Variants in QTRT1 observed in about 807,000 individuals in gnomAD.
QTRT1 encodes the protein queuine tRNA-ribosyltransferase catalytic subunit 1.
QTRT1 carries 41 observed loss-of-function variants against 44.0 expected under a neutral mutation model. That is an observed-to-expected ratio of 0.93 (90% CI 0.73 to 1.21). The LOEUF is 1.21. QTRT1 is among the 50% of genes most tolerant of loss of function. The pLI, the probability that QTRT1 is intolerant of heterozygous loss-of-function variation, is 0.00. For missense variants in QTRT1, 542 were observed against 575.8 expected, an observed-to-expected ratio of 0.94 and a Z score of 0.60; for synonymous variants, 226 against 237.1, an observed-to-expected ratio of 0.95 and a Z score of 0.43.
Position 10,701,636 on chromosome 19 carries a change from C to A in QTRT1, c.176C>A (p.Thr59Asn). ...CAGGCCACCATGAAGGGCATCACGA[C>A]CGAACAGCTGGACGCTCTGGGTTGC... is the stretch of plus-strand genomic sequence containing the variant. ...GTQATMKGIT[T>N]EQLDALGCRI... Residue 59 changes from threonine (T) to asparagine (N), a missense_variant, in exon 1 of 10, where the codon ACC becomes AAC. Physicochemically the swap from Thr to Asn is moderately conservative, Grantham distance 65 (BLOSUM62 0). Transcript: ENST00000250237. 2 of 1,602,206 alleles carry A rather than the reference C, an allele frequency of 1.2e-6. No individual in the cohort carries two copies. The highest frequency in any genetic ancestry group is 8.5e-7 in the Non-Finnish European group (1 of 1,175,620).
chr19:10,702,154 G>C lies in QTRT1; in HGVS notation c.351G>C (p.Leu117=). 6.2e-7 allele frequency: 1 copy of C among 1,614,114 alleles called. No homozygotes were observed. The highest frequency in any genetic ancestry group is 1.1e-5 in the South Asian group (1 of 91,082). The stretch of plus-strand genomic sequence containing the variant: ...TCCAGATGGTGTCGCTGGTGTCTCT[G>C]TCCGAGGTGACGGAGGAGGGCGTCC... The part of the protein sequence containing the change: ...GGFQMVSLVS[L]SEVTEEGVRF... Residue 117 remains leucine, a synonymous_variant, in exon 3 of 10, where the codon CTG becomes CTC. Coordinates refer to ENST00000250237, the MANE Select transcript of QTRT1 (RefSeq NM_031209.3).
Position 10,707,396 on chromosome 19 carries a change from G to A in QTRT1, c.530+16G>A. Reference sequence around the variant, plus strand: ...CCATGTACAGGTGTGTATATGCTGTGTGCATGTGTGGGATATGTGGTGGGA... The same window carrying A: ...CCATGTACAGGTGTGTATATGCTGTATGCATGTGTGGGATATGTGGTGGGA... On this transcript the variant is annotated intron_variant, in intron 4 of 9. Coordinates refer to ENST00000250237, the MANE Select transcript of QTRT1 (RefSeq NM_031209.3). 6.2e-7 allele frequency: 1 copy of A among 1,612,906 alleles called. No homozygotes were observed. Among genetic ancestry groups the A allele is most frequent in the Non-Finnish European group, 8.5e-7 (1 of 1,178,958 alleles).
At chr19:10,707,680 T>A in intron 5 of QTRT1, 65 bp downstream of exon 5, 1 of 1,226,690 alleles carries the variant, frequency 8.2e-7, no homozygotes, top group South Asian at 1.4e-5. Context: ...GGGCCTGGCG[T>A]ATGGCGGGAC....
rs2068720320 is a variant in QTRT1 at position 10,707,611 on chromosome 19, TGAA to T, written c.644_646del (p.Glu216del). The T allele has an allele frequency of 6.2e-7, 1 of 1,600,946 alleles. No individual in the cohort carries two copies. The highest frequency in any genetic ancestry group is 1.1e-5 in the South Asian group (1 of 89,988). ...ACGCAGATCTCCGGGCCACCTGCCT[TGAA>T]GGTAGAGCCATGCGCTGGCAGGCCC... is the stretch of plus-strand genomic sequence containing the variant. On this transcript the variant is annotated inframe_deletion and splice_region_variant, in exon 5 of 10. Coordinates refer to ENST00000250237, the MANE Select transcript of QTRT1 (RefSeq NM_031209.3).
In QTRT1 at chr19:10,713,036, AC is replaced by A. The variant is rs1292263908; in HGVS notation, c.1057del (p.Gln353SerfsTer5). 3.7e-6 allele frequency: 6 copies of A among 1,610,796 alleles called. No homozygotes were observed. Among genetic ancestry groups the A allele is most frequent in the Non-Finnish European group, 5.1e-6 (6 of 1,179,886 alleles). ...CACCTCACGGTCCACAACATCGCCT[AC>A]CAGGTGAGCCAGTGCCCGGGGCAAG... Reference protein sequence around the residue: ...LHHLTVHNIAYQLQLMSAVRT... With the variant: ...LHHLTVHNIAXQLQLMSAVRT... On this transcript the variant is annotated frameshift_variant, in exon 9 of 10. Coordinates refer to ENST00000250237, the MANE Select transcript of QTRT1 (RefSeq NM_031209.3). LOFTEE classifies it high-confidence loss of function. The surrounding 1 kb of genome is among the most constrained non-coding windows in gnomAD (Gnocchi z 4.3).
rs751068312 is a variant in QTRT1, at chr19:10,701,530, A to G, written c.70A>G (p.Ser24Gly). 5 of 1,596,378 alleles carry G rather than the reference A, an allele frequency of 3.1e-6. No individual in the cohort carries two copies. The highest frequency in any genetic ancestry group is 4.3e-6 in the Non-Finnish European group (5 of 1,169,738). The change falls in exon 1 of 10, where the codon AGC (serine) becomes GGC (glycine). Residue 24 changes from serine (S) to glycine (G), a missense_variant. Transcript: ENST00000250237. ...PRIMRLVAEC[S>G]RSRARAGELW... ...GATCATGCGGCTGGTGGCCGAATGCAGCCGCTCCAGGGCCCGGGCAGGCGA... is the reference window on the plus strand; with the variant it reads ...GATCATGCGGCTGGTGGCCGAATGCGGCCGCTCCAGGGCCCGGGCAGGCGA...
At chr19:10,702,430 A>G (rs1047923818) in intron 3 of QTRT1, among the ~76,000 whole-genome samples, 176 bp downstream of exon 3, 2 of 152,208 alleles carry the variant, frequency 1.3e-5, no homozygotes, top group African/African-American at 2.4e-5. Context: ...ATTGTTGACA[A>G]GTACATATGA....
In QTRT1 at chr19:10,701,460, G is replaced by A. The variant is rs2068687977; in HGVS notation, c.-1G>A. On this transcript the variant is annotated 5_prime_UTR_variant, in exon 1 of 10. Transcript: ENST00000250237. ...CGGCCCACGTGGTTCCGACAGTCAAGATGGCGGGAGCAGCTACCCAGGCTT... is the reference window on the plus strand; with the variant it reads ...CGGCCCACGTGGTTCCGACAGTCAAAATGGCGGGAGCAGCTACCCAGGCTT... 1.3e-6 allele frequency: 2 copies of A among 1,543,654 alleles called. No individual in the cohort carries two copies. The highest frequency in any genetic ancestry group is 2.3e-5 in the East Asian group (1 of 44,134).
rs2068740888 is a variant in QTRT1 at position 10,712,063 on chromosome 19, C to T, written c.647-98C>T. The T allele has an allele frequency of 2.7e-6, 4 of 1,489,082 alleles. No homozygotes were observed. Among genetic ancestry groups the T allele is most frequent in the Admixed American group, 1.7e-5 (1 of 59,508 alleles). 92.2% of individuals were successfully genotyped at this position (1,489,082 alleles called of 1,614,324 possible). A position where few individuals can be genotyped will look rare whatever the true frequency, so the allele number is the denominator to read the frequency against. ...TCTCTGTCTGTTTCTCTGACTCTCTCCCTGAGCGACTCTGGAAGTCTGGGC... is the reference window on the plus strand; with the variant it reads ...TCTCTGTCTGTTTCTCTGACTCTCTTCCTGAGCGACTCTGGAAGTCTGGGC... On this transcript the variant is annotated intron_variant, in intron 5 of 9. Coordinates refer to ENST00000250237, the MANE Select transcript of QTRT1 (RefSeq NM_031209.3). This position sits in a 1 kb window ranked among gnomAD's most constrained non-coding sequence, Gnocchi z 5.6.
In QTRT1 at chr19:10,712,464, G is replaced by A; in HGVS notation, c.786-89G>A. On this transcript the variant is annotated intron_variant, in intron 6 of 9. Transcript: ENST00000250237. The surrounding 1 kb of genome is among the most constrained non-coding windows in gnomAD (Gnocchi z 5.6). ...CTTGGGGGCCATTCTGAGGGAATAT[G>A]GCCCAGTCTGGGGCAGTGTGAGGGT... 4 of 1,455,448 alleles carry A rather than the reference G, an allele frequency of 2.7e-6. No individual in the cohort carries two copies. The highest frequency in any genetic ancestry group is 3.8e-6 in the Non-Finnish European group (4 of 1,039,650). The allele number at this position is 1,455,448 out of a possible 1,614,324, so 90.2% of individuals were successfully genotyped here. A position where few individuals can be genotyped will look rare whatever the true frequency, so the allele number is the denominator to read the frequency against.
At chr19:10,706,272 C>T (rs984593176) in intron 3 of QTRT1, among the ~76,000 whole-genome samples, 3 of 151,364 alleles carry the variant, frequency 2.0e-5, no homozygotes, top group Admixed American at 6.6e-5. Flanking sequence ...GTGATCCTTC[C>T]GCCTGGGCCT....
At chr19:10,705,379 C>T (rs8113618) in intron 3 of QTRT1, among the ~76,000 whole-genome samples, 86,644 of 151,076 alleles carry the variant, frequency 0.57, 25,125 homozygotes, top group South Asian at 0.63. Flanking sequence ...GCTGGGATTA[C>T]AGGTGCCCAT....
rs1424887636 is a variant in QTRT1, at chr19:10,707,537, C to T, written c.568C>T (p.Gln190Ter). 6.2e-7 allele frequency: 1 copy of T among 1,613,076 alleles called. No individual in the cohort carries two copies. The highest frequency in any genetic ancestry group is 8.5e-7 in the Non-Finnish European group (1 of 1,179,566). Residue 190 changes from glutamine (Q) to a stop codon, truncating the protein, a stop_gained, in exon 5 of 10, where the codon CAG becomes TAG. Coordinates refer to ENST00000250237, the MANE Select transcript of QTRT1 (RefSeq NM_031209.3). LOFTEE classifies it high-confidence loss of function. Reference protein sequence around the residue: ...RWLDRCIAAHQRPDKQNLFAI... With the variant: ...RWLDRCIAAH ...GCTGGACCGGTGCATTGCAGCCCAT[C>T]AGCGGCCGGACAAGCAGAACCTCTT...
Position 10,701,944 on chromosome 19 carries a change from AC to A in QTRT1, c.244-3del. The A allele has an allele frequency of 6.2e-7, 1 of 1,613,950 alleles. No individual in the cohort carries two copies. The highest frequency in any genetic ancestry group is 1.1e-5 in the South Asian group (1 of 91,070). ...CCTAACCTGACACTTTCTTCCATCAACCCAGGGACCCGAGCTGATCCAGAAA... is the reference window on the plus strand; with the variant it reads ...CCTAACCTGACACTTTCTTCCATCAACCAGGGACCCGAGCTGATCCAGAAA... On this transcript the variant is annotated splice_region_variant and splice_polypyrimidine_tract_variant and intron_variant, in intron 1 of 9. Coordinates refer to ENST00000250237, the MANE Select transcript of QTRT1 (RefSeq NM_031209.3).
rs768373440 is a variant in QTRT1, at chr19:10,713,100, G to A, written c.1060-18G>A. ...GTCCTAGGTGCGTATGCCCCACGCTGACCTCCCCTCCCCGCAGCTGCAGCT... is the reference window on the plus strand; with the variant it reads ...GTCCTAGGTGCGTATGCCCCACGCTAACCTCCCCTCCCCGCAGCTGCAGCT... On this transcript the variant is annotated intron_variant, in intron 9 of 9. Transcript: ENST00000250237. The surrounding 1 kb of genome is among the most constrained non-coding windows in gnomAD (Gnocchi z 4.3). 1 of 1,608,760 alleles carries A rather than the reference G, an allele frequency of 6.2e-7. No homozygotes were observed. The highest frequency in any genetic ancestry group is 1.1e-5 in the South Asian group (1 of 91,016).
At chr19:10,705,738 A>T (rs548006724) in intron 3 of QTRT1, among the ~76,000 whole-genome samples, 2 of 132,624 alleles carry the variant, frequency 1.5e-5, no homozygotes, top group African/African-American at 5.8e-5. Context: ...GTTTCACCAT[A>T]TTGGCCAGGG....
chr19:10,706,450 G>A (rs141015559), intron 3 of QTRT1, among the ~76,000 whole-genome samples: 1,916 of 152,170 alleles, frequency 0.013, 25 homozygotes, highest in South Asian at 0.033. Flanking sequence ...TTAGCTCACC[G>A]CAACCTCCGT....
chr19:10,710,126 A>AG (rs34502612), intron 5 of QTRT1, among the ~76,000 whole-genome samples: 7,395 of 152,116 alleles, frequency 0.049, 212 homozygotes, highest in African/African-American at 0.081. Flanking sequence ...TGGTGGCTGC[A>AG]GTGAGCTATG....
intron 5 of QTRT1, among the ~76,000 whole-genome samples, chr19:10,708,294 C>G (rs1278995119): frequency 3.3e-5 from 5 of 152,082 alleles, no homozygotes; most frequent in Non-Finnish European, 7.4e-5. Flanking sequence ...CGGTCTTACT[C>G]TGTTGCTCCT....
Sources: allele counts gnomAD v4.1 joint callset (sites outside exome capture counted in the v4.1 genomes callset), GRCh38; gene constraint gnomAD v4.1.1; non-coding constraint Gnocchi (gnomAD v3.1); transcripts MANE v1.5; gene names NCBI Gene and HGNC (gene_info 2026-07-23, HGNC 2026-07-21).